The following SHQ1 variants were observed in gnomAD, a reference collection of about 807,000 sequenced individuals.
SHQ1 encodes the protein SHQ1, H/ACA ribonucleoprotein assembly factor, also known as protein SHQ1 homolog.
SHQ1 carries 49 observed loss-of-function variants against 53.8 expected under a neutral mutation model. The observed-to-expected ratio is 0.91, with a 90% CI of 0.72 to 1.16. The LOEUF is 1.16. Ranked by LOEUF, SHQ1 falls within the 50% of genes most tolerant of loss-of-function variation. The probability of loss-of-function intolerance (pLI) is 0.00; values close to 1 mark genes in which losing one functional copy is unlikely to be tolerated. For missense variants in SHQ1, 738 were observed against 683.1 expected, an observed-to-expected ratio of 1.08 and a Z score of -0.90; for synonymous variants, 243 against 251.0, an observed-to-expected ratio of 0.97 and a Z score of 0.30.
At chr3:72,736,585 G>A in the SHQ1 span, among the ~76,000 whole-genome samples, 3 of 150,240 alleles carry the variant, frequency 2.0e-5, no homozygotes, top group Admixed American at 2.0e-4. Flanking sequence ...GAGGTCAGGA[G>A]TTTGAAACCA....
intron 10 of SHQ1, chr3:72,772,934 A>T: frequency 1.1e-6 from 1 of 871,914 alleles, no homozygotes. Context: ...TTTGACCAGC[A>T]TGAAGAATCG....
chr3:72,749,282 C>T lies in SHQ1; in HGVS notation c.*1002G>A. 2 of 223,678 alleles carry T rather than the reference C, an allele frequency of 8.9e-6. No individual in the cohort carries two copies. Among genetic ancestry groups the T allele is most frequent in the East Asian group, 6.4e-5 (1 of 15,582 alleles). 13.9% of individuals were successfully genotyped at this position (223,678 alleles called of 1,614,324 possible). A position where few individuals can be genotyped will look rare whatever the true frequency, so the allele number is the denominator to read the frequency against. On this transcript the variant is annotated 3_prime_UTR_variant, in exon 11 of 11. Coordinates refer to ENST00000325599, the MANE Select transcript of SHQ1 (RefSeq NM_018130.3). Reference sequence around the variant, plus strand: ...GCATACGTCCACATGAAGACTTGTACACAAATGTTCATAACAGCTTTATTT... The same window carrying T: ...GCATACGTCCACATGAAGACTTGTATACAAATGTTCATAACAGCTTTATTT...
chr3:72,824,634 T>C (rs1340941798), intron 5 of SHQ1, 83 bp from the exon 6 acceptor site: 2 of 1,437,462 alleles, frequency 1.4e-6, no homozygotes, highest in East Asian at 2.3e-5. Context: ...CTCATATTTG[T>C]ACTAGAAATA....
At chr3:72,802,811 T>C (rs1484941266) in intron 9 of SHQ1, among the ~76,000 whole-genome samples, 1 of 152,054 alleles carries the variant, frequency 6.6e-6, no homozygotes, top group African/African-American at 2.4e-5. Flanking sequence ...GGTACTGAAA[T>C]CCTATCACTC....
intron 4 of SHQ1, among the ~76,000 whole-genome samples, chr3:72,838,612 CT>C (rs1266348026): frequency 6.6e-6 from 1 of 152,166 alleles, no homozygotes; most frequent in Non-Finnish European, 1.5e-5. Flanking sequence ...AGCGATTCTC[CT>C]GCCAGCCTCC....
intron 10 of SHQ1, among the ~76,000 whole-genome samples, chr3:72,765,557 A>ATATATATATTTTTTTTT (rs1491527508): frequency 5.2e-5 from 3 of 57,184 alleles, no homozygotes; most frequent in African/African-American, 2.4e-4. Context: ...ATATATATAT[A>ATATATATATTTTTTTTT]TTTTTTTTTT....
chr3:72,826,606 A>G (rs982091408), intron 5 of SHQ1, among the ~76,000 whole-genome samples: 11 of 152,238 alleles, frequency 7.2e-5, no homozygotes, highest in African/African-American at 2.7e-4. Flanking sequence ...GCAAAATGCT[A>G]TGACATATCA....
intron 7 of SHQ1, among the ~76,000 whole-genome samples, chr3:72,816,920 T>C (rs1023340911): frequency 6.6e-6 from 1 of 152,172 alleles, no homozygotes; most frequent in African/African-American, 2.4e-5. Flanking sequence ...ACAGAGCACT[T>C]CTCTGGCCTA....
intron 10 of SHQ1, among the ~76,000 whole-genome samples, chr3:72,763,038 CACACACACACACACACACACACACAGAG>C (rs1203669203): frequency 7.3e-6 from 1 of 137,466 alleles, no homozygotes; most frequent in African/African-American, 3.0e-5. Flanking sequence ...CACACACACA[CACACACACACACACACACACACACAGAG>C]AGAGAGAGAG....
the SHQ1 span, among the ~76,000 whole-genome samples, chr3:72,740,410 A>G: frequency 6.5e-3 from 990 of 152,344 alleles, 14 homozygotes; most frequent in African/African-American, 0.022. Flanking sequence ...AGCACTGAAG[A>G]TGGTGGTACA....
the SHQ1 span, among the ~76,000 whole-genome samples, chr3:72,728,198 TC>T: frequency 6.6e-6 from 1 of 152,190 alleles, no homozygotes; most frequent in Non-Finnish European, 1.5e-5. Context: ...AATATCTGCC[TC>T]GGAGTCTGCT....
At chr3:72,760,478 A>G (rs1208992844) in intron 10 of SHQ1, among the ~76,000 whole-genome samples, 2 of 152,170 alleles carry the variant, frequency 1.3e-5, no homozygotes, top group Non-Finnish European at 2.9e-5. Flanking sequence ...TCTTTAAGGG[A>G]GCACAGAAGT....
intron 10 of SHQ1, among the ~76,000 whole-genome samples, chr3:72,776,400 G>A (rs926319884): frequency 6.6e-6 from 1 of 152,088 alleles, no homozygotes; most frequent in Non-Finnish European, 1.5e-5. Flanking sequence ...CAGGTTTGTA[G>A]CCTAGAAGCA....
At chr3:72,815,870 G>A (rs1006301731) in intron 7 of SHQ1, among the ~76,000 whole-genome samples, 9 of 152,066 alleles carry the variant, frequency 5.9e-5, no homozygotes, top group Non-Finnish European at 8.8e-5. Context: ...TGCTAGAGAA[G>A]GTCTCAAGTT....
chr3:72,790,622 T>C (rs1706404821), intron 10 of SHQ1, among the ~76,000 whole-genome samples: 1 of 152,132 alleles, frequency 6.6e-6, no homozygotes. Flanking sequence ...ACCTAAGAAG[T>C]TCACAGTAAA....
At chr3:72,833,568 G>C (rs536775909) in intron 4 of SHQ1, among the ~76,000 whole-genome samples, 23 of 142,672 alleles carry the variant, frequency 1.6e-4, no homozygotes, top group African/African-American at 6.4e-4. Context: ...TAGATAGATA[G>C]ATAGAATTTT....
chr3:72,743,804 G>A, the SHQ1 span, among the ~76,000 whole-genome samples: 5 of 152,128 alleles, frequency 3.3e-5, no homozygotes, highest in Admixed American at 6.6e-5. Flanking sequence ...GATAGGACAC[G>A]CATATTTACC....
At chr3:72,790,341 T>C (rs1026230686) in intron 10 of SHQ1, among the ~76,000 whole-genome samples, 5 of 152,228 alleles carry the variant, frequency 3.3e-5, no homozygotes, top group African/African-American at 1.2e-4. Context: ...TGCCAAAGCA[T>C]ATATCTGACT....
At chr3:72,796,611 A>G (rs1411955490) in intron 9 of SHQ1, among the ~76,000 whole-genome samples, 1 of 152,160 alleles carries the variant, frequency 6.6e-6, no homozygotes, top group Non-Finnish European at 1.5e-5. Flanking sequence ...ACCTGAGGTC[A>G]GGAGTCCGAG....
Sources: gnomAD v4.1 joint callset for allele counts (sites outside exome capture counted in the v4.1 genomes callset) on GRCh38, gnomAD v4.1.1 for gene constraint, MANE v1.5 for transcripts, NCBI Gene and HGNC (gene_info 2026-07-23, HGNC 2026-07-21) for gene names.